The following OSBPL10 variants were observed in gnomAD, a reference collection of about 807,000 sequenced individuals.
OSBPL10 encodes the protein oxysterol-binding protein-related protein 10.
Under a neutral mutation model 81.7 loss-of-function variants are expected in OSBPL10, and 49 were observed. That is an observed-to-expected ratio of 0.60 (90% CI 0.48 to 0.76). The LOEUF (loss-of-function observed/expected upper bound fraction) is 0.76, where lower values mean the gene tolerates loss of function less well. Among genes scored for constraint, OSBPL10 ranks in the 30% least tolerant of loss-of-function variants. The pLI is 0.00. For synonymous variants in OSBPL10, 419 were observed against 383.6 expected (o/e 1.09, Z -1.08); for missense variants, 923 against 987.8 (o/e 0.93, Z 0.88).
At chr3:31,718,419 G>C (rs2125632451) in intron 6 of OSBPL10, 2 of 152,244 alleles carry the variant, frequency 1.3e-5, no homozygotes, top group Middle Eastern at 6.8e-3. Context: ...GAGTCACCAT[G>C]CCCAGCCCCA....
chr3:31,981,035 G>T lies in OSBPL10; in HGVS notation c.145C>A (p.Leu49Ile), dbSNP rs775698766. 34 of 1,473,124 alleles carry T rather than the reference G, an allele frequency of 2.3e-5. No homozygotes were observed. The highest frequency in any genetic ancestry group is 2.9e-5 in the East Asian group (1 of 34,110). 91.3% of individuals were successfully genotyped at this position (1,473,124 alleles called of 1,614,324 possible). ...CTGCTGCGGCTTCCCCCGCCGCCGA[G>T]CCCGGCCGCCGCCGACCGGCTGGAG... Reference protein sequence around the residue: ...GVSSRSAAAGLGGGGSRSSPG... With the variant: ...GVSSRSAAAGIGGGGSRSSPG... Residue 49 changes from leucine to isoleucine, a missense_variant, in exon 1 of 12, where the codon CTC becomes ATC. This residue lies in a region of OSBPL10 where 514 missense variants were observed against 508.0 expected (regional missense o/e 1.01). Transcript: ENST00000396556. The surrounding 1 kb of genome is among the most constrained non-coding windows in gnomAD (Gnocchi z 4.5).
intron 4 of OSBPL10, among the ~76,000 whole-genome samples, chr3:31,819,313 T>C (rs1699925536): frequency 6.6e-6 from 1 of 152,250 alleles, no homozygotes; most frequent in Non-Finnish European, 1.5e-5. Flanking sequence ...TCTCTGATCA[T>C]TTGCCTGAGC....
chr3:32,034,060 G>A (rs1431348641), intron 2 of OSBPL10, among the ~76,000 whole-genome samples: 1 of 152,186 alleles, frequency 6.6e-6, no homozygotes, highest in East Asian at 1.9e-4. Flanking sequence ...AGGATGGAGT[G>A]AGTGCAAGCA....
intron 4 of OSBPL10, among the ~76,000 whole-genome samples, chr3:31,768,838 T>C (rs557244521): frequency 1.2e-4 from 19 of 152,200 alleles, no homozygotes; most frequent in Non-Finnish European, 2.8e-4. Flanking sequence ...CTCCATTTAT[T>C]TCACAAACAA....
At chr3:31,891,700 G>A (rs1011337147) in intron 1 of OSBPL10, among the ~76,000 whole-genome samples, 9 of 152,148 alleles carry the variant, frequency 5.9e-5, no homozygotes, top group South Asian at 2.1e-4. Context: ...CCAGTGCCAC[G>A]GAAATATTAT....
chr3:31,826,507 T>C (rs888250736), intron 4 of OSBPL10, among the ~76,000 whole-genome samples: 7 of 152,198 alleles, frequency 4.6e-5, no homozygotes, highest in Non-Finnish European at 7.3e-5. Flanking sequence ...TGCTGTAGCT[T>C]TCCATTTACT....
intron 6 of OSBPL10, among the ~76,000 whole-genome samples, chr3:31,720,901 A>G (rs1696622387): frequency 6.6e-6 from 1 of 151,670 alleles, no homozygotes; most frequent in Non-Finnish European, 1.5e-5. Flanking sequence ...AAAAAAAAAA[A>G]AAAGGCCCAA....
chr3:31,800,724 C>T (rs1279685631), intron 4 of OSBPL10, among the ~76,000 whole-genome samples: 2 of 151,024 alleles, frequency 1.3e-5, no homozygotes, highest in South Asian at 2.1e-4. Context: ...ATTCAATATG[C>T]TATAAAAACT....
At chr3:31,836,528 T>TCATC (rs2125542963) in intron 3 of OSBPL10, among the ~76,000 whole-genome samples, 1 of 148,774 alleles carries the variant, frequency 6.7e-6, no homozygotes, top group South Asian at 2.2e-4. Context: ...CATCCACCAA[T>TCATC]CATCTAACCC....
rs1341389837 is a variant in OSBPL10, at chr3:32,066,247, C to A, written n.185+11149G>T. Among the ~76,000 whole-genome samples the A allele has an allele frequency of 2.2e-5, 2 of 91,170 alleles. 1 individual carries two copies. Among genetic ancestry groups the A allele is most frequent in the Non-Finnish European group, 5.9e-5 (2 of 33,952 alleles). The allele number at this position is 91,170 out of a possible 152,430, so 59.8% of individuals were successfully genotyped here. On this transcript the variant is annotated intron_variant and non_coding_transcript_variant, in intron 1 of 3. Coordinates refer to the OSBPL10 transcript ENST00000479173. ...CCCCCACCCTTGCAATCTGACCACC[C>A]TCACTATATTATCACCCTAGCCTGC...
At chr3:31,682,150 C>CCA (rs1700665697) in intron 8 of OSBPL10, among the ~76,000 whole-genome samples, 2 of 152,328 alleles carry the variant, frequency 1.3e-5, no homozygotes, top group African/African-American at 4.8e-5. Context: ...CTGGTCCAAG[C>CCA]CACCATCATC....
chr3:32,058,964 C>G (rs1239838105), intron 1 of OSBPL10, among the ~76,000 whole-genome samples: 1 of 152,226 alleles, frequency 6.6e-6, no homozygotes, highest in East Asian at 1.9e-4. Context: ...GCTGGGACTA[C>G]AAGCATGTGC....
intron 1 of OSBPL10, among the ~76,000 whole-genome samples, chr3:31,976,112 G>T (rs568194871): frequency 6.6e-6 from 1 of 152,144 alleles, no homozygotes; most frequent in Non-Finnish European, 1.5e-5. Flanking sequence ...AGAACTCTAT[G>T]ATAATTATGT....
chr3:31,730,330 CA>C (rs796676217), intron 6 of OSBPL10, among the ~76,000 whole-genome samples: 12 of 124,906 alleles, frequency 9.6e-5, no homozygotes, highest in South Asian at 2.5e-4. Context: ...GGCCACAGAG[CA>C]AAAAAAAAAT....
intron 5 of OSBPL10, among the ~76,000 whole-genome samples, chr3:31,744,895 T>G (rs761658907): frequency 3.9e-5 from 6 of 152,164 alleles, no homozygotes; most frequent in Non-Finnish European, 7.4e-5. Flanking sequence ...ACTAGTGAGA[T>G]TCTCGGAACG....
intron 8 of OSBPL10, among the ~76,000 whole-genome samples, chr3:31,679,566 A>G (rs1169294983): frequency 6.6e-6 from 1 of 152,234 alleles, no homozygotes; most frequent in Non-Finnish European, 1.5e-5. Flanking sequence ...AAAATGTGTA[A>G]GGAATTATCT....
At chr3:31,683,102 AG>A (rs1700695359) in intron 8 of OSBPL10, among the ~76,000 whole-genome samples, 2 of 152,252 alleles carry the variant, frequency 1.3e-5, no homozygotes, top group South Asian at 4.1e-4. Flanking sequence ...CTTCATTCAC[AG>A]CTATTTGCTA....
At chr3:31,736,643 T>G (rs1004195581) in intron 5 of OSBPL10, among the ~76,000 whole-genome samples, 1 of 152,204 alleles carries the variant, frequency 6.6e-6, no homozygotes, top group African/African-American at 2.4e-5. Context: ...ATTCTTTGCT[T>G]TATTACACAA....
intron 4 of OSBPL10, among the ~76,000 whole-genome samples, chr3:31,821,006 A>G (rs1339436785): frequency 3.9e-5 from 6 of 152,184 alleles, no homozygotes; most frequent in Non-Finnish European, 5.9e-5. Flanking sequence ...GTCAGACAAT[A>G]AACACATAAA....
Sources: allele counts gnomAD v4.1 joint callset (sites outside exome capture counted in the v4.1 genomes callset), GRCh38; gene constraint gnomAD v4.1.1; regional missense constraint gnomAD v4.1.1; non-coding constraint Gnocchi (gnomAD v3.1); transcripts MANE v1.5; gene names NCBI Gene and HGNC (gene_info 2026-07-23, HGNC 2026-07-21).